Variants in CELSR3 observed in about 807,000 individuals in gnomAD.
The protein encoded by CELSR3 is EGF-like protein 1.
In CELSR3, 73 loss-of-function variants were observed where a neutral mutation model predicts 270.0. That is an observed-to-expected ratio of 0.27 (90% CI 0.22 to 0.33). CELSR3 has a LOEUF of 0.33. Ranked by LOEUF, CELSR3 falls within the 10% of genes least tolerant of loss-of-function variation. The probability of loss-of-function intolerance (pLI) is 1.00; values close to 1 mark genes in which losing one functional copy is unlikely to be tolerated. For synonymous variants in CELSR3, 1,780 were observed against 1,905.4 expected, an observed-to-expected ratio of 0.93 and a Z score of 1.71; for missense variants, 3,614 against 4,533.8, an observed-to-expected ratio of 0.80 and a Z score of 5.83.
rs952942873 is a variant in CELSR3 at position 48,646,038 on chromosome 3, T to C, written c.7463+52A>G. On this transcript the variant is annotated intron_variant, in intron 22 of 34. Transcript: ENST00000164024. The surrounding 1 kb of genome is among the most constrained non-coding windows in gnomAD (Gnocchi z 4.8). ...CCAGGGGAAGGCTGGGACTATTAGT[T>C]GGCCTCCCAAGGGCTAACGGGACCA... The C allele has an allele frequency of 6.3e-6, 10 of 1,599,948 alleles. No individual in the cohort carries two copies. The African/African-American group carries it at 1.2e-4, about 19-fold the overall frequency.
chr3:48,654,911 A>T lies in CELSR3; in HGVS notation c.4988+133T>A. On this transcript the variant is annotated intron_variant, in intron 6 of 34. Transcript: ENST00000164024. The surrounding 1 kb of genome is among the most constrained non-coding windows in gnomAD (Gnocchi z 5.4). ...TGAGTAGGCTTTCAGGGTCTTTGAG[A>T]GGAGAGGGGAATCTTGGTGGTTTGG... 2 of 904,720 alleles carry T rather than the reference A, an allele frequency of 2.2e-6. No homozygotes were observed. Among genetic ancestry groups the T allele is most frequent in the South Asian group, 3.1e-5 (2 of 64,424 alleles). 56.0% of individuals were successfully genotyped at this position (904,720 alleles called of 1,614,324 possible). A position where few individuals can be genotyped will look rare whatever the true frequency, so the allele number is the denominator to read the frequency against.
At position 48,647,933 on chromosome 3, in the gene CELSR3, T is replaced by A. The variant is rs1475429066; in HGVS notation, c.7037A>T (p.Tyr2346Phe). ...CTGGCCTCGAAAGAGGTTGCTATGG[T>A]AGCGAGGGTAGCGACGGGCCCCCCG... ...SPRGARRYPR[Y>F]HSNLFRGQDA... is the part of the protein sequence containing the mutation. The change falls in exon 20 of 35, where the codon TAC (tyrosine) becomes TTC (phenylalanine). Residue 2346 changes from tyrosine to phenylalanine, a missense_variant. Transcript: ENST00000164024. 7 of 1,612,032 alleles carry A rather than the reference T, an allele frequency of 4.3e-6. No homozygotes were observed. The highest frequency in any genetic ancestry group is 5.9e-6 in the Non-Finnish European group (7 of 1,179,680).
rs2047162263 is a variant in CELSR3, at chr3:48,654,326, G to A, written c.5115C>T (p.Asp1705=). ...CATTATTTGCGACAAAAGCCGCCAT[G>A]TCCACTCGGCGGCCATCAATGTGCA... ...RDLHIDGRRV[D]MAAFVANNGT... The change falls in exon 7 of 35, where the codon GAC becomes GAT. Residue 1705 remains aspartate (D), a synonymous_variant. Transcript: ENST00000164024. This position sits in a 1 kb window ranked among gnomAD's most constrained non-coding sequence, Gnocchi z 5.4. 2 of 1,614,042 alleles carry A rather than the reference G, an allele frequency of 1.2e-6. No individual in the cohort carries two copies. Among genetic ancestry groups the A allele is most frequent in the Non-Finnish European group, 1.7e-6 (2 of 1,180,028 alleles).
At chr3:48,656,022 G>T in intron 3 of CELSR3, 118 bp downstream of exon 3, 1 of 1,225,690 alleles carries the variant, frequency 8.2e-7, no homozygotes, top group Non-Finnish European at 1.2e-6. Flanking sequence ...CCCCGGGCGG[G>T]GCGTCAGGGG....
rs775586039 is a variant in CELSR3, at chr3:48,648,754, C to T, written c.6742G>A (p.Gly2248Arg). The T allele has an allele frequency of 5.6e-6, 9 of 1,612,638 alleles. No homozygotes were observed. The highest frequency in any genetic ancestry group is 3.3e-5 in the South Asian group (3 of 91,074). ...TGGGCATCCTGTGTGGCTGTCAGCC[C>T]GAAGCCCTGCTGATGGCTCTCGAAG... ...LAFESHQQGFGLTATQDAHFN... is the reference protein window; with the variant it reads ...LAFESHQQGFRLTATQDAHFN... The change falls in exon 18 of 35, where the codon GGG becomes AGG. Residue 2248 changes from glycine to arginine, a missense_variant. Gly to Arg is a moderately radical substitution (Grantham distance 125). This residue lies in a region of CELSR3 where 1,331 missense variants were observed against 1,933.7 expected (regional missense o/e 0.69). Coordinates refer to ENST00000164024, the MANE Select transcript of CELSR3 (RefSeq NM_001407.3).
rs577601495 is a variant in CELSR3 at position 48,639,108 on chromosome 3, C to G, written c.9911+566G>C. On this transcript the variant is annotated intron_variant, in intron 34 of 34. Coordinates refer to ENST00000164024, the MANE Select transcript of CELSR3 (RefSeq NM_001407.3). The surrounding 1 kb of genome is among the most constrained non-coding windows in gnomAD (Gnocchi z 4.1). ...TCCCCACAGATGCTTCACACATACC[C>G]GAGATGAACCAGGTTCCAACTCAGT... Among the ~76,000 whole-genome samples the G allele has an allele frequency of 6.6e-6, 1 of 152,122 alleles. No homozygotes were observed. The highest frequency in any genetic ancestry group is 1.5e-5 in the Non-Finnish European group (1 of 68,032).
chr3:48,653,476 G>T lies in CELSR3; in HGVS notation c.5448+143C>A. Reference sequence around the variant, plus strand: ...TATAATGATGGAAAGAGAATCAAGGGCTAGGGTCCAGAGCAGGGTCAAGTG... The same window carrying T: ...TATAATGATGGAAAGAGAATCAAGGTCTAGGGTCCAGAGCAGGGTCAAGTG... On this transcript the variant is annotated intron_variant, in intron 9 of 34. Coordinates refer to ENST00000164024, the MANE Select transcript of CELSR3 (RefSeq NM_001407.3). The surrounding 1 kb of genome is among the most constrained non-coding windows in gnomAD (Gnocchi z 6.5). 2.1e-6 allele frequency: 2 copies of T among 971,190 alleles called. No homozygotes were observed. The highest frequency in any genetic ancestry group is 3.1e-6 in the Non-Finnish European group (2 of 641,956). The allele number at this position is 971,190 out of a possible 1,614,324, so 60.2% of individuals were successfully genotyped here. A position where few individuals can be genotyped will look rare whatever the true frequency, so the allele number is the denominator to read the frequency against.
rs1348726284 is a variant in CELSR3 at position 48,655,765 on chromosome 3, G to A, written c.4712C>T (p.Ala1571Val). 3 of 1,600,580 alleles carry A rather than the reference G, an allele frequency of 1.9e-6. No homozygotes were observed. The highest frequency in any genetic ancestry group is 2.6e-6 in the Non-Finnish European group (3 of 1,171,958). ...GGAATATGTGAGCCGCACTTGGCCA[G>A]CCACGAGTTCCAGGGCCAGGAAGTC... Reference protein sequence around the residue: ...KHDFLALELVAGQVRLTYSTG... With the variant: ...KHDFLALELVVGQVRLTYSTG... The change falls in exon 4 of 35, where the codon GCT becomes GTT. Residue 1571 changes from alanine (A) to valine (V), a missense_variant. This residue lies in a region of CELSR3 where 1,331 missense variants were observed against 1,933.7 expected (regional missense o/e 0.69). Transcript: ENST00000164024. The surrounding 1 kb of genome is among the most constrained non-coding windows in gnomAD (Gnocchi z 5.8).
In CELSR3 at chr3:48,648,261, C is replaced by A. The variant is rs901597426; in HGVS notation, c.6973+5G>T. On this transcript the variant is annotated splice_donor_5th_base_variant and intron_variant, in intron 19 of 34. Transcript: ENST00000164024. ...GTGCCCCGCCCTACCCCACCCACAACGCACTGATATTAGGCGTCACCAGCC... is the reference window on the plus strand; with the variant it reads ...GTGCCCCGCCCTACCCCACCCACAAAGCACTGATATTAGGCGTCACCAGCC... 5.8e-6 allele frequency: 4 copies of A among 684,420 alleles called. No individual in the cohort carries two copies. Among genetic ancestry groups the A allele is most frequent in the Admixed American group, 2.0e-5 (1 of 50,666 alleles). 42.4% of individuals were successfully genotyped at this position (684,420 alleles called of 1,614,324 possible). A position where few individuals can be genotyped will look rare whatever the true frequency, so the allele number is the denominator to read the frequency against.
Position 48,645,852 on chromosome 3 carries a change from C to A in CELSR3, c.7480G>T (p.Val2494Leu), listed in dbSNP as rs375942711. 4 of 1,604,336 alleles carry A rather than the reference C, an allele frequency of 2.5e-6. No individual in the cohort carries two copies. Among genetic ancestry groups the A allele is most frequent in the Non-Finnish European group, 3.4e-6 (4 of 1,174,900 alleles). The change falls in exon 23 of 35, where the codon GTG (valine) becomes TTG (leucine). Residue 2494 changes from valine to leucine, a missense_variant. Coordinates refer to ENST00000164024, the MANE Select transcript of CELSR3 (RefSeq NM_001407.3). The surrounding 1 kb of genome is among the most constrained non-coding windows in gnomAD (Gnocchi z 5.4). ...AGCTCGCAGTCCCGTGCTGTCCACA[C>A]ACCATGCTGCTCCGCCCTGCAGCCA... The part of the protein sequence containing the change: ...DPPGLAEQHG[V>L]WTARDCELVH...
rs1180073990 is a variant in CELSR3, at chr3:48,645,195, T to G, written c.7812A>C (p.Ala2604=). 1 of 1,578,128 alleles carries G rather than the reference T, an allele frequency of 6.3e-7. No homozygotes were observed. Among genetic ancestry groups the G allele is most frequent in the Non-Finnish European group, 8.7e-7 (1 of 1,155,346 alleles). ...AGAAGTAGTGCAGGAGGATGGCGAC[T>G]GCAGTGCACACCAGCTGAGGGCAGG... ...HRTHNQLVCT[A]VAILLHYFFL... Residue 2604 remains alanine (A), a synonymous_variant, in exon 25 of 35, where the codon GCA becomes GCC. Transcript: ENST00000164024. The surrounding 1 kb of genome is among the most constrained non-coding windows in gnomAD (Gnocchi z 5.4).
In CELSR3 at chr3:48,655,655, G is replaced by C. The variant is rs2047174005; in HGVS notation, c.4741+81C>G. The C allele has an allele frequency of 7.9e-7, 1 of 1,257,896 alleles. No homozygotes were observed. Among genetic ancestry groups the C allele is most frequent in the Non-Finnish European group, 1.2e-6 (1 of 858,278 alleles). 77.9% of individuals were successfully genotyped at this position (1,257,896 alleles called of 1,614,324 possible). ...CGTGGAGTGTGTGCTCAGGTGCACA[G>C]TGAAGCAAACCTGAGGGGACTTGGG... On this transcript the variant is annotated intron_variant, in intron 4 of 34. Coordinates refer to ENST00000164024, the MANE Select transcript of CELSR3 (RefSeq NM_001407.3). The surrounding 1 kb of genome is among the most constrained non-coding windows in gnomAD (Gnocchi z 5.8).
rs1322861167 is a variant in CELSR3 at position 48,658,813 on chromosome 3, G to C, written c.3748+74C>G. ...AGGCTTAGAAATCCCTCTTTGGTTT[G>C]AGGTGCCCTGTGGAGTCCCTGAGGC... On this transcript the variant is annotated intron_variant, in intron 1 of 34. Coordinates refer to ENST00000164024, the MANE Select transcript of CELSR3 (RefSeq NM_001407.3). The surrounding 1 kb of genome is among the most constrained non-coding windows in gnomAD (Gnocchi z 4.7). 1.9e-6 allele frequency: 3 copies of C among 1,545,744 alleles called. No individual in the cohort carries two copies. In the African/African-American group the frequency reaches 4.1e-5, roughly 21 times the overall value.
Position 48,640,286 on chromosome 3 carries a change from C to G in CELSR3, c.9299G>C (p.Gly3100Ala). ...APVLRPLSRP[G>A]SQECMDAAPG... Reference sequence around the variant, plus strand: ...TGCAGCATCCATGCATTCCTGGGACCCTGGCCGGCTCAGGGGACGTAGAAC... The same window carrying G: ...TGCAGCATCCATGCATTCCTGGGACGCTGGCCGGCTCAGGGGACGTAGAAC... Residue 3100 changes from glycine (G) to alanine (A), a missense_variant, in exon 34 of 35, where the codon GGG becomes GCG. Physicochemically the swap from Gly to Ala is moderately conservative, Grantham distance 60. Coordinates refer to ENST00000164024, the MANE Select transcript of CELSR3 (RefSeq NM_001407.3). The surrounding 1 kb of genome is among the most constrained non-coding windows in gnomAD (Gnocchi z 7.5). 1.9e-6 allele frequency: 3 copies of G among 1,612,838 alleles called. No individual in the cohort carries two copies. Among genetic ancestry groups the G allele is most frequent in the Non-Finnish European group, 2.5e-6 (3 of 1,179,970 alleles).
rs1033872378 is a variant in CELSR3 at position 48,640,106 on chromosome 3, C to T, written c.9479G>A (p.Arg3160His). ...CTGTGGGTCAAGGTCCCGGGTGCGG[C>T]GGGGCGGAGGCAGCGTGCTCAACCA... ...REWLSTLPPP[R>H]RTRDLDPQPP... is the part of the protein sequence containing the mutation. Residue 3160 changes from arginine (R) to histidine (H), a missense_variant, in exon 34 of 35, where the codon CGC becomes CAC. Transcript: ENST00000164024. This position sits in a 1 kb window ranked among gnomAD's most constrained non-coding sequence, Gnocchi z 7.5. 3.1e-6 allele frequency: 5 copies of T among 1,611,238 alleles called. No homozygotes were observed. The highest frequency in any genetic ancestry group is 4.2e-6 in the Non-Finnish European group (5 of 1,179,792).
At position 48,639,969 on chromosome 3, in the gene CELSR3, G is replaced by A. The variant is rs2047008105; in HGVS notation, c.9616C>T (p.Gln3206Ter). The A allele has an allele frequency of 6.2e-7, 1 of 1,612,824 alleles. No homozygotes were observed. The highest frequency in any genetic ancestry group is 8.5e-7 in the Non-Finnish European group (1 of 1,180,006). Residue 3206 changes from glutamine (Q) to a stop codon, truncating the protein, a stop_gained, in exon 34 of 35, where the codon CAG becomes TAG. Coordinates refer to ENST00000164024, the MANE Select transcript of CELSR3 (RefSeq NM_001407.3). LOFTEE classifies it high-confidence loss of function. This position sits in a 1 kb window ranked among gnomAD's most constrained non-coding sequence, Gnocchi z 4.1. ...CGTGAGGGGTGCCGGCTAGGCACCT[G>A]GTCCAGCTGCTCCCGAGAGTTCGAG... ...RSSNSREQLDQVPSRHPSREA... is the reference protein window; with the variant it reads ...RSSNSREQLD
chr3:48,643,757 CAG>C (rs2047051793), intron 27 of CELSR3, 80 bp from the exon 28 acceptor site: 3 of 1,481,558 alleles, frequency 2.0e-6, no homozygotes, highest in Admixed American at 2.2e-5. Flanking sequence ...GGAGGACACA[CAG>C]GGGCCACACA....
Position 48,661,541 on chromosome 3 carries a change from G to T in CELSR3, c.1094C>A (p.Ala365Glu). 6.2e-7 allele frequency: 1 copy of T among 1,606,590 alleles called. No homozygotes were observed. The highest frequency in any genetic ancestry group is 8.5e-7 in the Non-Finnish European group (1 of 1,177,824). Residue 365 changes from alanine to glutamate, a missense_variant, in exon 1 of 35, where the codon GCG (alanine) becomes GAG (glutamate). Physicochemically the swap from Ala to Glu is moderately radical, Grantham distance 107. Coordinates refer to ENST00000164024, the MANE Select transcript of CELSR3 (RefSeq NM_001407.3). ...CAGCGAGCGGCTGTTCATGAGTGCCGCCAGCGAGTAGACTAGGCGCCCGGC... is the reference window on the plus strand; with the variant it reads ...CAGCGAGCGGCTGTTCATGAGTGCCTCCAGCGAGTAGACTAGGCGCCCGGC... Reference protein sequence around the residue: ...GEAGRLVYSLAALMNSRSLEL... With the variant: ...GEAGRLVYSLEALMNSRSLEL...
Position 48,658,535 on chromosome 3 carries a change from A to G in CELSR3, c.3748+352T>C, listed in dbSNP as rs1024021562. ...TAACCCTTCGTCTGAACATGGGCAT[A>G]GTGTGGACTGACTGGCCCATACTGG... is the stretch of plus-strand genomic sequence containing the variant. On this transcript the variant is annotated intron_variant, in intron 1 of 34. Coordinates refer to ENST00000164024, the MANE Select transcript of CELSR3 (RefSeq NM_001407.3). The surrounding 1 kb of genome is among the most constrained non-coding windows in gnomAD (Gnocchi z 4.7). Among the ~76,000 whole-genome samples the G allele has an allele frequency of 1.2e-4, 19 of 152,216 alleles. No individual in the cohort carries two copies. The highest frequency in any genetic ancestry group is 1.0e-3 in the Admixed American group (16 of 15,294).
Sources: allele counts gnomAD v4.1 joint callset (sites outside exome capture counted in the v4.1 genomes callset), GRCh38; gene constraint gnomAD v4.1.1; regional missense constraint gnomAD v4.1.1; non-coding constraint Gnocchi (gnomAD v3.1); transcripts MANE v1.5; gene names NCBI Gene and HGNC (gene_info 2026-07-23, HGNC 2026-07-21).